USH2A: variants seen among roughly 807,000 people sequenced by gnomAD.
USH2A encodes the protein usherin, also known as Usher syndrome 2A (autosomal recessive, mild).
USH2A carries 443 observed loss-of-function variants against 538.9 expected under a neutral mutation model. The observed-to-expected ratio is 0.82, with a 90% CI of 0.76 to 0.89. USH2A has a LOEUF of 0.89. Ranked by LOEUF, USH2A falls within the 40% of genes least tolerant of loss-of-function variation. USH2A has a pLI of 0.00. For synonymous variants in USH2A, 2,413 were observed against 2,273.5 expected, an observed-to-expected ratio of 1.06 and a Z score of -1.75; for missense variants, 6,633 against 6,324.8, an observed-to-expected ratio of 1.05 and a Z score of -1.65.
chr1:216,352,230 C>T (rs889951526), intron 4 of USH2A, among the ~76,000 whole-genome samples: 2 of 151,930 alleles, frequency 1.3e-5, no homozygotes, highest in Admixed American at 1.3e-4. Context: ...AGAGCTAAGT[C>T]TTAAGGCTTG....
At chr1:216,279,032 C>G (rs1403429506) in intron 11 of USH2A, among the ~76,000 whole-genome samples, 1 of 152,096 alleles carries the variant, frequency 6.6e-6, no homozygotes, top group Non-Finnish European at 1.5e-5. Context: ...TGATGCCTTT[C>G]CATTTCGTCT....
chr1:216,042,734 C>G (rs926471385), intron 32 of USH2A, among the ~76,000 whole-genome samples: 9 of 152,076 alleles, frequency 5.9e-5, no homozygotes, highest in Admixed American at 1.3e-4. Flanking sequence ...TTAGTCTTCT[C>G]TGAGAGTCTC....
At chr1:216,052,487 C>G (rs574434776) in intron 30 of USH2A, among the ~76,000 whole-genome samples, 1 of 151,932 alleles carries the variant, frequency 6.6e-6, no homozygotes, top group East Asian at 1.9e-4. Context: ...GCTGCATTTT[C>G]TAAGGCTGGA....
intron 3 of USH2A, among the ~76,000 whole-genome samples, chr1:216,396,073 C>T (rs2039206726): frequency 6.6e-6 from 1 of 152,068 alleles, no homozygotes. Context: ...TCCTTATCAC[C>T]TGTTATATAA....
At chr1:215,843,439 C>T (rs749681757) in intron 46 of USH2A, among the ~76,000 whole-genome samples, 4 of 151,980 alleles carry the variant, frequency 2.6e-5, no homozygotes, top group African/African-American at 4.8e-5. Context: ...AAGATAAGTT[C>T]CTTGTTTTAT....
Position 216,324,227 on chromosome 1 carries a change from T to C in USH2A, c.1269A>G (p.Gly423=), listed in dbSNP as rs557907504. 1.9e-6 allele frequency: 3 copies of C among 1,613,416 alleles called. 1 individual carries two copies. The South Asian group carries it at 3.3e-5, about 18-fold the overall frequency. ...QYFARNCGAF[G]MKNNGDLEKP... ...TTTCCAAATCTCCATTGTTTTTCAT[T>C]CCAAAAGCACCACAATTCCTGGCAA... Residue 423 remains glycine, a synonymous_variant, in exon 7 of 72, where the codon GGA becomes GGG. Coordinates refer to ENST00000307340, the MANE Select transcript of USH2A (RefSeq NM_206933.4).
In USH2A at chr1:216,246,981, C is replaced by A; in HGVS notation, c.2413G>T (p.Gly805Trp). The change falls in exon 13 of 72, where the codon GGG (glycine) becomes TGG (tryptophan). Residue 805 changes from glycine to tryptophan, a missense_variant. Physicochemically the swap from Gly to Trp is radical, Grantham distance 184 (BLOSUM62 -2). Coordinates refer to ENST00000307340, the MANE Select transcript of USH2A (RefSeq NM_206933.4). ...CDCDTAGSLP[G>W]TVCNAKTGQC... ...CCTGTCTTAGCATTACAGACAGTCCCAGGGAGGGATCCAGCTGTGTCACAG... is the reference window on the plus strand; with the variant it reads ...CCTGTCTTAGCATTACAGACAGTCCAAGGGAGGGATCCAGCTGTGTCACAG... The A allele has an allele frequency of 6.2e-7, 1 of 1,614,050 alleles. No individual in the cohort carries two copies. The highest frequency in any genetic ancestry group is 8.5e-7 in the Non-Finnish European group (1 of 1,179,978).
intron 21 of USH2A, among the ~76,000 whole-genome samples, chr1:216,150,732 T>TC (rs1165108268): frequency 5.9e-5 from 9 of 151,940 alleles, no homozygotes; most frequent in African/African-American, 1.2e-4. Context: ...TTAACTCTAC[T>TC]CCCCCCATAT....
intron 32 of USH2A, among the ~76,000 whole-genome samples, chr1:216,030,777 C>T (rs1191524165): frequency 6.6e-6 from 1 of 150,908 alleles, no homozygotes; most frequent in Non-Finnish European, 1.5e-5. Flanking sequence ...ATGAGTCATT[C>T]CTTGACTGAA....
At chr1:216,107,542 GT>G (rs1433559919) in intron 21 of USH2A, among the ~76,000 whole-genome samples, 1 of 130,144 alleles carries the variant, frequency 7.7e-6, no homozygotes, top group East Asian at 6.2e-4. Context: ...CCCTTTGTAA[GT>G]CTTGCTTATT....
chr1:216,103,346 A>G (rs757831686), intron 21 of USH2A, among the ~76,000 whole-genome samples: 6 of 152,248 alleles, frequency 3.9e-5, no homozygotes, highest in Non-Finnish European at 8.8e-5. Context: ...TTCAAAAACC[A>G]AATGTGTCTC....
intron 38 of USH2A, among the ~76,000 whole-genome samples, chr1:215,923,169 C>T (rs10864214): frequency 0.52 from 79,250 of 151,796 alleles, 21,413 homozygotes; most frequent in East Asian, 0.68. Context: ...AGCATTGTGG[C>T]AAATGCTTTT....
chr1:216,199,277 CT>C (rs1177543713), intron 17 of USH2A, among the ~76,000 whole-genome samples: 1 of 152,056 alleles, frequency 6.6e-6, no homozygotes, highest in African/African-American at 2.4e-5. Flanking sequence ...GAAAAATGTA[CT>C]GCTTGTGGGT....
intron 34 of USH2A, among the ~76,000 whole-genome samples, chr1:215,996,847 C>T (rs11808176): frequency 0.037 from 5,554 of 152,036 alleles, 330 homozygotes; most frequent in African/African-American, 0.13. Flanking sequence ...AACTAAATGA[C>T]GTTACATGAA....
chr1:216,153,199 C>G (rs954712187), intron 21 of USH2A, among the ~76,000 whole-genome samples: 1 of 152,176 alleles, frequency 6.6e-6, no homozygotes, highest in Non-Finnish European at 1.5e-5. Flanking sequence ...CGGACAAGAA[C>G]CCAGGTACCA....
At chr1:215,899,434 G>A (rs939614781) in intron 40 of USH2A, among the ~76,000 whole-genome samples, 2 of 152,072 alleles carry the variant, frequency 1.3e-5, no homozygotes, top group Admixed American at 1.3e-4. Flanking sequence ...CTTTTATAGA[G>A]GTAATTTGTA....
chr1:216,325,929 C>T (rs1281286972), intron 5 of USH2A, among the ~76,000 whole-genome samples: 1 of 152,114 alleles, frequency 6.6e-6, no homozygotes, highest in Admixed American at 6.6e-5. Flanking sequence ...TAGAAATGAT[C>T]ACATTTACTT....
At chr1:215,721,985 A>T (rs1248293044) in intron 61 of USH2A, among the ~76,000 whole-genome samples, 1 of 151,816 alleles carries the variant, frequency 6.6e-6, no homozygotes, top group Non-Finnish European at 1.5e-5. Context: ...GGATCACTTC[A>T]GTGCAGGACA....
Position 215,779,732 on chromosome 1 carries a change from G to A in USH2A, c.10939+111C>T, listed in dbSNP as rs555749613. 63 of 1,299,050 alleles carry A rather than the reference G, an allele frequency of 4.8e-5. 1 individual carries two copies. The highest frequency in any genetic ancestry group is 5.9e-5 in the Admixed American group (3 of 51,280). 80.5% of individuals were successfully genotyped at this position (1,299,050 alleles called of 1,614,324 possible). On this transcript the variant is annotated intron_variant, in intron 55 of 71. Coordinates refer to ENST00000307340, the MANE Select transcript of USH2A (RefSeq NM_206933.4). ...ACCTGACCATATGTCAAGAGAACAC[G>A]TCCTTTCGAAGTGACCTCATATATC... is the stretch of plus-strand genomic sequence containing the variant.
Sources: allele counts gnomAD v4.1 joint callset (sites outside exome capture counted in the v4.1 genomes callset), GRCh38; gene constraint gnomAD v4.1.1; transcripts MANE v1.5; gene names NCBI Gene and HGNC (gene_info 2026-07-23, HGNC 2026-07-21).